The following CEP250 variants were observed in gnomAD, a reference collection of about 807,000 sequenced individuals.
CEP250 encodes the protein centrosomal protein 250.
Under a neutral mutation model 315.7 loss-of-function variants are expected in CEP250, and 242 were observed. The observed-to-expected ratio is 0.77, with a 90% CI of 0.69 to 0.85. The LOEUF (loss-of-function observed/expected upper bound fraction) is 0.85, where lower values mean the gene tolerates loss of function less well. Among genes scored for constraint, CEP250 ranks in the 40% least tolerant of loss-of-function variants. CEP250 has a pLI of 0.00. For synonymous variants in CEP250, 1,088 were observed against 1,175.0 expected (o/e 0.93, Z 1.51); for missense variants, 2,515 against 2,886.4 (o/e 0.87, Z 2.95).
chr20:35,483,263 T>C (rs1234270501), intron 20 of CEP250, among the ~76,000 whole-genome samples: 1 of 151,248 alleles, frequency 6.6e-6, no homozygotes, highest in East Asian at 1.9e-4. Context: ...GAGGTTGCGA[T>C]GAGCTGAGAT....
chr20:35,466,372 G>A (rs1199980810), intron 7 of CEP250, among the ~76,000 whole-genome samples, 168 bp downstream of exon 7: 2 of 152,150 alleles, frequency 1.3e-5, no homozygotes, highest in Non-Finnish European at 2.9e-5. Context: ...CAGCCTTCTT[G>A]GGCCTTCAGC....
At chr20:35,458,495 A>G (rs1364890982) in intron 2 of CEP250, 121 bp downstream of exon 2, 1 of 152,212 alleles carries the variant, frequency 6.6e-6, no homozygotes, top group Admixed American at 6.5e-5. Context: ...TTCCTGCAGT[A>G]ATGATAACAT....
At chr20:35,458,458 G>A (rs997598018) in intron 2 of CEP250, 84 bp downstream of exon 2, 2 of 152,332 alleles carry the variant, frequency 1.3e-5, no homozygotes, top group South Asian at 2.1e-4. Flanking sequence ...ATAAATTAAT[G>A]TACAAAAGAA....
At chr20:35,479,839 G>A (rs2063292640) in intron 19 of CEP250, 66 bp downstream of exon 19, 1 of 1,610,522 alleles carries the variant, frequency 6.2e-7, no homozygotes, top group East Asian at 2.2e-5. Context: ...GGAAGATGGT[G>A]GGAGACTATT....
rs376254433 is a variant in CEP250, at chr20:35,496,552, A to G, written c.3168-25A>G. 188 of 1,608,880 alleles carry G rather than the reference A, an allele frequency of 1.2e-4. 1 individual carries two copies. Among genetic ancestry groups the G allele is most frequent in the Non-Finnish European group, 1.6e-4 (183 of 1,176,984 alleles). On this transcript the variant is annotated intron_variant, in intron 24 of 34. Coordinates refer to ENST00000397527, the MANE Select transcript of CEP250 (RefSeq NM_007186.6). ...TTTTCATTCCCTAAGAGAATGGCCC[A>G]GCACTCTGACCCCTCTCTTTTTAGC...
At chr20:35,496,525 AT>A in intron 24 of CEP250, 51 bp from the exon 25 acceptor site, 1 of 1,535,696 alleles carries the variant, frequency 6.5e-7, no homozygotes, top group Non-Finnish European at 8.8e-7. Flanking sequence ...TGAGAAGGTA[AT>A]TTTTCATTCC....
At chr20:35,490,964 GC>G in intron 21 of CEP250, 160 bp downstream of exon 21, 1 of 871,180 alleles carries the variant, frequency 1.1e-6, no homozygotes, top group African/African-American at 1.7e-5. Flanking sequence ...CGCACCATTA[GC>G]CACAGTTCCG....
At position 35,512,045 on chromosome 20, in the gene CEP250, C is replaced by G. The variant is rs1347131104; in HGVS notation, c.*419C>G. The G allele has an allele frequency of 2.0e-5, 20 of 1,023,142 alleles. No homozygotes were observed. Among genetic ancestry groups the G allele is most frequent in the Non-Finnish European group, 2.2e-5 (19 of 854,216 alleles). 63.4% of individuals were successfully genotyped at this position (1,023,142 alleles called of 1,614,324 possible). On this transcript the variant is annotated 3_prime_UTR_variant, in exon 35 of 35. Transcript: ENST00000397527. ...ATCAAGGGAGTTTATCTGGGAAGAA[C>G]TTGCCAAAGATTCCTGTTGAGGTAG...
intron 16 of CEP250, 135 bp from the exon 17 acceptor site, chr20:35,477,736 C>T (rs990512832): frequency 1.4e-6 from 1 of 722,556 alleles, no homozygotes; most frequent in Non-Finnish European, 2.3e-6. Flanking sequence ...GGATTTTCCC[C>T]CATCTTATAA....
In CEP250 at chr20:35,504,839, C is replaced by A. The variant is rs1167675349; in HGVS notation, c.6470C>A (p.Ala2157Glu). 2 of 1,614,126 alleles carry A rather than the reference C, an allele frequency of 1.2e-6. No individual in the cohort carries two copies. The highest frequency in any genetic ancestry group is 2.2e-5 in the East Asian group (1 of 44,898). The change falls in exon 30 of 35, where the codon GCA (alanine) becomes GAA (glutamate). Residue 2157 changes from alanine to glutamate, a missense_variant. Ala to Glu is a moderately radical substitution (Grantham distance 107). Transcript: ENST00000397527. ...RLQRELERLQAALRQTEAREI... is the reference protein window; with the variant it reads ...RLQRELERLQEALRQTEAREI... Reference sequence around the variant, plus strand: ...CAGCGGGAGCTGGAGCGGCTACAGGCAGCCCTGAGACAGACAGAAGCCAGG... The same window carrying A: ...CAGCGGGAGCTGGAGCGGCTACAGGAAGCCCTGAGACAGACAGAAGCCAGG...
chr20:35,465,236 AT>A (rs2062845063), intron 5 of CEP250, among the ~76,000 whole-genome samples: 1 of 152,112 alleles, frequency 6.6e-6, no homozygotes, highest in African/African-American at 2.4e-5. Context: ...CCTGGCCAAC[AT>A]GGCGAAACCC....
At chr20:35,499,915 G>A in intron 27 of CEP250, 134 bp from the exon 28 acceptor site, 1 of 1,093,418 alleles carries the variant, frequency 9.1e-7, no homozygotes, top group Non-Finnish European at 1.3e-6. Flanking sequence ...TTTAAAGGAA[G>A]TAACCCGGCA....
At chr20:35,497,416 C>T (rs2063869619) in intron 25 of CEP250, among the ~76,000 whole-genome samples, 2 of 152,174 alleles carry the variant, frequency 1.3e-5, no homozygotes, top group African/African-American at 4.8e-5. Flanking sequence ...CTAGGCGCAG[C>T]GTCGAGGTTT....
chr20:35,475,784 C>A, intron 15 of CEP250, 138 bp downstream of exon 15: 1 of 874,496 alleles, frequency 1.1e-6, no homozygotes, highest in African/African-American at 1.7e-5. Context: ...GTTCTCTATT[C>A]CAACATACCC....
At chr20:35,472,251 C>T (rs752281867) in intron 11 of CEP250, 100 bp downstream of exon 11, 12 of 757,154 alleles carry the variant, frequency 1.6e-5, no homozygotes, top group Non-Finnish European at 2.1e-5. Flanking sequence ...CTCTGAGGTT[C>T]GGGTGCTTAA....
intron 20 of CEP250, among the ~76,000 whole-genome samples, chr20:35,486,373 C>A (rs1246844418): frequency 6.6e-6 from 1 of 151,906 alleles, no homozygotes; most frequent in African/African-American, 2.4e-5. Flanking sequence ...TCCAGACTAG[C>A]TAGGACTACA....
chr20:35,502,884 G>T lies in CEP250; in HGVS notation c.4515G>T (p.Val1505=). 1 of 1,614,264 alleles carries T rather than the reference G, an allele frequency of 6.2e-7. No homozygotes were observed. Among genetic ancestry groups the T allele is most frequent in the African/African-American group, 1.3e-5 (1 of 75,076 alleles). The change falls in exon 30 of 35, where the codon GTG becomes GTT. Residue 1505 remains valine (V), a synonymous_variant. Coordinates refer to ENST00000397527, the MANE Select transcript of CEP250 (RefSeq NM_007186.6). ...AGGAGCGAGAGCAGAAGCTGACTGT[G>T]CAGAGGGAGCAGATCAGAGAGCTCG... ...AVQEREQKLT[V]QREQIRELEK...
At chr20:35,480,587 T>C (rs2063319196) in intron 20 of CEP250, among the ~76,000 whole-genome samples, 1 of 145,834 alleles carries the variant, frequency 6.9e-6, no homozygotes, top group South Asian at 2.2e-4. Context: ...TGCTTTTTTA[T>C]ATCTTTTTTT....
rs549481966 is a variant in CEP250 at position 35,475,532 on chromosome 20, A to T, written c.1602A>T (p.Lys534Asn). The change falls in exon 15 of 35, where the codon AAA (lysine) becomes AAT (asparagine). Residue 534 changes from lysine (K) to asparagine (N), a missense_variant. By Grantham distance (94) the Lys-to-Asn change is moderately conservative. Coordinates refer to ENST00000397527, the MANE Select transcript of CEP250 (RefSeq NM_007186.6). ...AGATGCTGATGGGCCTGGAAGCCAA[A>T]CAGTCAGAATCACTCAGTGAACTGA... ...LQEMLMGLEA[K>N]QSESLSELIT... The T allele has an allele frequency of 6.2e-7, 1 of 1,614,158 alleles. No individual in the cohort carries two copies. Among genetic ancestry groups the T allele is most frequent in the African/African-American group, 1.3e-5 (1 of 75,058 alleles).
Sources: allele counts gnomAD v4.1 joint callset (sites outside exome capture counted in the v4.1 genomes callset), GRCh38; gene constraint gnomAD v4.1.1; transcripts MANE v1.5; gene names NCBI Gene and HGNC (gene_info 2026-07-23, HGNC 2026-07-21).